Variants in MCM4 observed in about 807,000 individuals in gnomAD.
MCM4 encodes minichromosome maintenance complex component 4, also known as DNA replication licensing factor MCM4.
In MCM4, 60 loss-of-function variants were observed where a neutral mutation model predicts 88.7. The ratio of observed to expected loss-of-function variants is 0.68; its 90% CI spans 0.55 to 0.84. MCM4 has a LOEUF of 0.84. Among genes scored for constraint, MCM4 ranks in the 40% least tolerant of loss-of-function variants. MCM4 has a pLI of 0.00. For synonymous variants in MCM4, 465 were observed against 410.5 expected, an observed-to-expected ratio of 1.13 and a Z score of -1.61; for missense variants, 1,149 against 1,105.5, an observed-to-expected ratio of 1.04 and a Z score of -0.56.
chr8:47,971,804 A>T (rs2090955318), intron 13 of MCM4, among the ~76,000 whole-genome samples: 1 of 151,932 alleles, frequency 6.6e-6, no homozygotes, highest in Admixed American at 6.6e-5. Flanking sequence ...CATAATCTTC[A>T]CTCTTGGCCC....
chr8:47,960,995 C>T lies in MCM4; in HGVS notation c.-34C>T. ...ACTCGGAGTCCGCGAGCGTCGTCGGCAAGCGGCCGCCTTTCCACGGTAACC... is the reference window on the plus strand; with the variant it reads ...ACTCGGAGTCCGCGAGCGTCGTCGGTAAGCGGCCGCCTTTCCACGGTAACC... On this transcript the variant is annotated 5_prime_UTR_variant, in exon 1 of 17. Coordinates refer to ENST00000649973, the MANE Select transcript of MCM4 (RefSeq NM_182746.3). The T allele has an allele frequency of 3.8e-6, 3 of 786,310 alleles. No individual in the cohort carries two copies. The highest frequency in any genetic ancestry group is 2.2e-5 in the South Asian group (1 of 46,166). The allele number at this position is 786,310 out of a possible 1,614,324, so 48.7% of individuals were successfully genotyped here. A position where few individuals can be genotyped will look rare whatever the true frequency, so the allele number is the denominator to read the frequency against.
intron 2 of MCM4, 104 bp from the exon 3 acceptor site, chr8:47,961,412 T>A: frequency 3.1e-6 from 5 of 1,596,238 alleles, no homozygotes; most frequent in Non-Finnish European, 4.3e-6. Context: ...TGCCTCTGTT[T>A]GGTTTGGTTC....
At position 47,961,242 on chromosome 8, in the gene MCM4, A is replaced by G; in HGVS notation, c.70+28A>G. ...GAGTCCCCCGAGCCGGGCCCACTAC[A>G]GCCCCCGGCGCCGCCCCGTCTGCCC... On this transcript the variant is annotated intron_variant, in intron 2 of 16. Transcript: ENST00000649973. 1.4e-6 allele frequency: 2 copies of G among 1,476,506 alleles called. 1 individual carries two copies. The highest frequency in any genetic ancestry group is 2.6e-5 in the South Asian group (2 of 76,820). 91.5% of individuals were successfully genotyped at this position (1,476,506 alleles called of 1,614,324 possible).
chr8:47,961,158 C>T lies in MCM4; in HGVS notation c.14C>T (p.Ala5Val), dbSNP rs757978282. ...ACTCCGAGCACTATGTCGTCCCCGGCGTCGACCCCGAGCCGCCGCGGCAGC... is the reference window on the plus strand; with the variant it reads ...ACTCCGAGCACTATGTCGTCCCCGGTGTCGACCCCGAGCCGCCGCGGCAGC... The part of the protein sequence containing the change: MSSP[A>V]STPSRRGSRR... The change falls in exon 2 of 17, where the codon GCG becomes GTG. Residue 5 changes from alanine (A) to valine (V), a missense_variant. Transcript: ENST00000649973. 6.4e-7 allele frequency: 1 copy of T among 1,552,200 alleles called. No homozygotes were observed. Among genetic ancestry groups the T allele is most frequent in the East Asian group, 2.6e-5 (1 of 39,134 alleles).
intron 10 of MCM4, among the ~76,000 whole-genome samples, chr8:47,968,003 T>C (rs878945461): frequency 1.3e-5 from 2 of 152,212 alleles, no homozygotes; most frequent in Admixed American, 1.3e-4. Context: ...CAGGGATGCA[T>C]AGACAGCAGT....
intron 14 of MCM4, among the ~76,000 whole-genome samples, chr8:47,973,312 G>A (rs901950251): frequency 2.0e-5 from 3 of 151,940 alleles, no homozygotes; most frequent in African/African-American, 7.2e-5. Context: ...TATTAGCTGG[G>A]ATTACAGGTG....
intron 10 of MCM4, chr8:47,969,465 T>A: frequency 7.5e-6 from 2 of 265,208 alleles, no homozygotes; most frequent in Non-Finnish European, 7.3e-6. Context: ...TCCTTGTTGA[T>A]TAGGGTGGTC....
rs556363141 is a variant in MCM4 at position 47,964,586 on chromosome 8, A to G, written c.706A>G (p.Thr236Ala). 4 of 1,592,328 alleles carry G rather than the reference A, an allele frequency of 2.5e-6. No individual in the cohort carries two copies. Among genetic ancestry groups the G allele is most frequent in the Admixed American group, 1.9e-5 (1 of 52,658 alleles). ...TTTGTTTTTACAGGAAGTTATTCCAACTTTTGACATGGCTGTCAATGAAAT... is the reference window on the plus strand; with the variant it reads ...TTTGTTTTTACAGGAAGTTATTCCAGCTTTTGACATGGCTGTCAATGAAAT... ...LISYPQEVIPTFDMAVNEIFF... is the reference protein window; with the variant it reads ...LISYPQEVIPAFDMAVNEIFF... Residue 236 changes from threonine to alanine, a missense_variant, in exon 8 of 17, where the codon ACT becomes GCT. By Grantham distance (58) the Thr-to-Ala change is moderately conservative. Transcript: ENST00000649973.
chr8:47,976,025 A>G (rs2090998092), intron 16 of MCM4, among the ~76,000 whole-genome samples, 177 bp downstream of exon 16: 1 of 152,142 alleles, frequency 6.6e-6, no homozygotes, highest in South Asian at 2.1e-4. Context: ...GGCTGGGTGC[A>G]GTAGCTCACG....
chr8:47,961,789 T>C, intron 3 of MCM4, 109 bp downstream of exon 3: 1 of 1,352,816 alleles, frequency 7.4e-7, no homozygotes, highest in Non-Finnish European at 1.0e-6. Context: ...AAGCATCCCC[T>C]CTGCACGTGA....
chr8:47,971,616 A>G, intron 13 of MCM4, 148 bp downstream of exon 13: 1 of 787,452 alleles, frequency 1.3e-6, no homozygotes, highest in Non-Finnish European at 2.0e-6. Flanking sequence ...TTTTCACGAC[A>G]AGGATGATGT....
chr8:47,975,028 T>C (rs920851038), intron 15 of MCM4, 66 bp downstream of exon 15: 79 of 1,286,832 alleles, frequency 6.1e-5, no homozygotes, highest in Non-Finnish European at 8.5e-5. Context: ...AGTTTATATG[T>C]CAGATTTAAG....
intron 10 of MCM4, among the ~76,000 whole-genome samples, chr8:47,968,227 C>A (rs966880800): frequency 6.6e-6 from 1 of 152,156 alleles, no homozygotes; most frequent in African/African-American, 2.4e-5. Context: ...GTGCCTGAAT[C>A]TGCTCCTGAG....
intron 7 of MCM4, among the ~76,000 whole-genome samples, chr8:47,963,575 T>G (rs1589828440): frequency 1.3e-5 from 2 of 152,324 alleles, no homozygotes; most frequent in South Asian, 4.1e-4. Flanking sequence ...CTTGGCAGTG[T>G]TTTTCATGTA....
chr8:47,967,847 A>G (rs759626017), intron 10 of MCM4, among the ~76,000 whole-genome samples: 1 of 152,204 alleles, frequency 6.6e-6, no homozygotes, highest in Admixed American at 6.5e-5. Context: ...GAGTTATGCC[A>G]TCAGCTCAGA....
intron 3 of MCM4, 28 bp from the exon 4 acceptor site, chr8:47,962,025 C>G (rs1418671470): frequency 1.2e-6 from 2 of 1,610,518 alleles, no homozygotes; most frequent in South Asian, 2.2e-5. Flanking sequence ...TGATATGCCA[C>G]CAGAATTTCC....
chr8:47,975,761 A>G lies in MCM4; in HGVS notation c.2412A>G (p.Ala804=), dbSNP rs544675241. The G allele has an allele frequency of 1.3e-6, 2 of 1,584,434 alleles. No individual in the cohort carries two copies. Among genetic ancestry groups the G allele is most frequent in the African/African-American group, 2.7e-5 (2 of 73,410 alleles). ...AACGGAAAGAAGAATTAGCTGAAGCATTGAAAAAGCTTATTTTATCTAAGG... is the reference window on the plus strand; with the variant it reads ...AACGGAAAGAAGAATTAGCTGAAGCGTTGAAAAAGCTTATTTTATCTAAGG... ...SRKRKEELAE[A]LKKLILSKGK... The change falls in exon 16 of 17, where the codon GCA becomes GCG. Residue 804 remains alanine (A), a synonymous_variant. Coordinates refer to ENST00000649973, the MANE Select transcript of MCM4 (RefSeq NM_182746.3).
intron 5 of MCM4, 95 bp downstream of exon 5, chr8:47,962,501 G>A (rs191572314): frequency 3.1e-6 from 4 of 1,283,792 alleles, no homozygotes; most frequent in Admixed American, 3.9e-5. Context: ...ATGACTAGAA[G>A]GGCCACCTGT....
Position 47,974,942 on chromosome 8 carries a change from A to T in MCM4, c.2345A>T (p.Asp782Val), listed in dbSNP as rs1361252034. The T allele has an allele frequency of 6.2e-7, 1 of 1,614,124 alleles. No individual in the cohort carries two copies. Among genetic ancestry groups the T allele is most frequent in the Non-Finnish European group, 8.5e-7 (1 of 1,179,994 alleles). Residue 782 changes from aspartate (D) to valine (V), a missense_variant, in exon 15 of 17, where the codon GAC (aspartate) becomes GTC (valine). Transcript: ENST00000649973. ...ACTGATCCCCGGACTGGCATCGTGG[A>T]CATATCTATTCTTACTACGGGTTCG... ...SATDPRTGIV[D>V]ISILTTGMSA...
Sources: allele counts gnomAD v4.1 joint callset (sites outside exome capture counted in the v4.1 genomes callset), GRCh38; gene constraint gnomAD v4.1.1; transcripts MANE v1.5; gene names NCBI Gene and HGNC (gene_info 2026-07-23, HGNC 2026-07-21).